The following PSAP variants were observed in gnomAD, a reference collection of about 807,000 sequenced individuals.
PSAP encodes the protein prosaposin, also known as precursor of saposins.
Under a neutral mutation model 66.0 loss-of-function variants are expected in PSAP, and 25 were observed. The observed-to-expected ratio is 0.38, with a 90% CI of 0.28 to 0.53. The LOEUF (loss-of-function observed/expected upper bound fraction) is 0.53. Among genes scored for constraint, PSAP ranks in the 20% least tolerant of loss-of-function variants. The probability of loss-of-function intolerance (pLI) is 0.83; values close to 1 mark genes in which losing one functional copy is unlikely to be tolerated. For missense variants in PSAP, 649 were observed against 668.8 expected (o/e 0.97, Z 0.33); for synonymous variants, 273 against 258.9 (o/e 1.05, Z -0.52).
At chr10:71,839,080 T>C (rs1054276652) in intron 1 of PSAP, among the ~76,000 whole-genome samples, 2 of 152,188 alleles carry the variant, frequency 1.3e-5, no homozygotes, top group Non-Finnish European at 2.9e-5. Context: ...AGCTTCCTTC[T>C]CTGAGGCAGT....
chr10:71,823,718 G>A (rs1842347600), intron 7 of PSAP, among the ~76,000 whole-genome samples: 1 of 152,138 alleles, frequency 6.6e-6, no homozygotes, highest in African/African-American at 2.4e-5. Flanking sequence ...CTGAATTACA[G>A]GGGAGAGATG....
In PSAP at chr10:71,833,042, A is replaced by AAAAAAAAAAAAG. The variant is rs1842552155; in HGVS notation, c.175-1123_175-1122insCTTTTTTTTTTT. ...AAAAAAAAAAAAAAACAAAAAACAA[A>AAAAAAAAAAAAG]AACAGAAGGCCGGGCCATGACAAGA... is the stretch of plus-strand genomic sequence containing the variant. On this transcript the variant is annotated intron_variant, in intron 2 of 13. Transcript: ENST00000394936. 1.4e-5 allele frequency among the ~76,000 whole-genome samples: 2 copies of AAAAAAAAAAAAG among 148,090 alleles called. 1 individual carries two copies. Among genetic ancestry groups the AAAAAAAAAAAAG allele is most frequent in the Non-Finnish European group, 3.0e-5 (2 of 66,962 alleles).
At chr10:71,822,691 A>G (rs1371950993) in intron 7 of PSAP, 9 of 471,146 alleles carry the variant, frequency 1.9e-5, no homozygotes, top group Non-Finnish European at 2.6e-5. Flanking sequence ...AGAGTGAGAC[A>G]AGTGTATAGA....
At chr10:71,832,085 G>A (rs1001989460) in intron 2 of PSAP, among the ~76,000 whole-genome samples, 165 bp from the exon 3 acceptor site, 7 of 152,164 alleles carry the variant, frequency 4.6e-5, no homozygotes, top group African/African-American at 1.2e-4. Context: ...CAGCGCTGGG[G>A]CACGGCAGGG....
At chr10:71,847,097 C>T (rs1564827991) in intron 1 of PSAP, among the ~76,000 whole-genome samples, 1 of 152,188 alleles carries the variant, frequency 6.6e-6, no homozygotes, top group Non-Finnish European at 1.5e-5. Flanking sequence ...TCTCCTTTCC[C>T]TCATCTACAA....
At chr10:71,824,196 A>G (rs1255147056) in intron 7 of PSAP, among the ~76,000 whole-genome samples, 1 of 152,172 alleles carries the variant, frequency 6.6e-6, no homozygotes, top group African/African-American at 2.4e-5. Flanking sequence ...AACACTGTGT[A>G]GCAAGAGCCC....
chr10:71,817,325 T>C lies in PSAP; in HGVS notation c.*116A>G, dbSNP rs894397649. ...ATAAAGGACACAGAAATGGGGGAGG[T>C]GGGGGAGCCCTATTTTTATAACAAA... On this transcript the variant is annotated 3_prime_UTR_variant, in exon 14 of 14. Coordinates refer to ENST00000394936, the MANE Select transcript of PSAP (RefSeq NM_002778.4). The C allele has an allele frequency of 8.8e-7, 1 of 1,140,014 alleles. No homozygotes were observed. 70.6% of individuals were successfully genotyped at this position (1,140,014 alleles called of 1,614,324 possible). A position where few individuals can be genotyped will look rare whatever the true frequency, so the allele number is the denominator to read the frequency against.
intron 7 of PSAP, 95 bp from the exon 8 acceptor site, chr10:71,822,102 C>G: frequency 6.3e-7 from 1 of 1,581,774 alleles, no homozygotes; most frequent in Non-Finnish European, 8.6e-7. Flanking sequence ...GGACAGCACC[C>G]TGGGCCCAGG....
chr10:71,836,888 T>C (rs188053054), intron 1 of PSAP, among the ~76,000 whole-genome samples: 2 of 152,324 alleles, frequency 1.3e-5, no homozygotes, highest in African/African-American at 4.8e-5. Context: ...TCGTTTTCCA[T>C]GATGACTTTG....
At chr10:71,848,222 G>A (rs1020291804) in intron 1 of PSAP, among the ~76,000 whole-genome samples, 7 of 152,236 alleles carry the variant, frequency 4.6e-5, no homozygotes, top group African/African-American at 1.2e-4. Context: ...AGGGGCCTCT[G>A]GATGCTACTG....
intron 2 of PSAP, among the ~76,000 whole-genome samples, chr10:71,833,325 G>T (rs1051835738): frequency 7.2e-5 from 11 of 152,080 alleles, no homozygotes; most frequent in Admixed American, 3.9e-4. Context: ...CAGGCATACT[G>T]GTCCACATCT....
chr10:71,824,325 A>T (rs1842359762), intron 7 of PSAP, among the ~76,000 whole-genome samples: 1 of 152,200 alleles, frequency 6.6e-6, no homozygotes, highest in South Asian at 2.1e-4. Context: ...GGGCTGCCCA[A>T]GTAAGGGGGG....
rs181436201 is a variant in PSAP at position 71,825,191 on chromosome 10, T to G, written c.777+646A>C. Among the ~76,000 whole-genome samples the G allele has an allele frequency of 2.7e-3, 405 of 152,270 alleles. 2 individuals are homozygous for G. Among genetic ancestry groups the G allele is most frequent in the African/African-American group, 9.3e-3 (386 of 41,546 alleles). ...ACGCTGGTATGTCAATCTCAAGTAG[T>G]CAGAAAGCATGACAGACAGGGAAAA... On this transcript the variant is annotated intron_variant, in intron 7 of 13. Coordinates refer to ENST00000394936, the MANE Select transcript of PSAP (RefSeq NM_002778.4).
In PSAP at chr10:71,847,221, G is replaced by A. The variant is rs148685349; in HGVS notation, c.40+3961C>T. On this transcript the variant is annotated intron_variant, in intron 1 of 13. Coordinates refer to ENST00000394936, the MANE Select transcript of PSAP (RefSeq NM_002778.4). ...TGTAATCCCAGCACTTTGGGAGGCC[G>A]AGGCAGGCGGATTACTTGAGGTCAG... Among the ~76,000 whole-genome samples, 78 of 152,216 alleles carry A rather than the reference G, an allele frequency of 5.1e-4. 2 individuals carry two copies. Among genetic ancestry groups the A allele is most frequent in the Middle Eastern group, 3.4e-3 (1 of 294 alleles).
chr10:71,819,040 G>A lies in PSAP; in HGVS notation c.1422C>T (p.Phe474=), dbSNP rs528318545. 117 of 1,614,002 alleles carry A rather than the reference G, an allele frequency of 7.2e-5. 1 individual carries two copies. Among genetic ancestry groups the A allele is most frequent in the South Asian group, 4.1e-4 (37 of 91,062 alleles). The change falls in exon 12 of 14, where the codon TTC becomes TTT. Residue 474 remains phenylalanine, a synonymous_variant. Coordinates refer to ENST00000394936, the MANE Select transcript of PSAP (RefSeq NM_002778.4). ...EILVEVMDPS[F]VCLKIGACPS... is the part of the protein sequence containing the mutation. ...ACCCAGTGAGGCTCACCAAGCACAC[G>A]AAGGAAGGATCCATCACCTCCACCA...
intron 4 of PSAP, among the ~76,000 whole-genome samples, chr10:71,830,428 A>C (rs79450314): frequency 0.024 from 3,627 of 152,288 alleles, 102 homozygotes; most frequent in Non-Finnish European, 0.028. Flanking sequence ...AGCTTCCCTC[A>C]ATGGGACCTA....
At chr10:71,823,921 C>T (rs565052350) in intron 7 of PSAP, 9 of 1,292,576 alleles carry the variant, frequency 7.0e-6, no homozygotes, top group South Asian at 4.9e-5. Flanking sequence ...AACAGGAAAT[C>T]GGAGGTGAAA....
At chr10:71,817,679 G>A (rs1842201333) in intron 13 of PSAP, among the ~76,000 whole-genome samples, 1 of 152,204 alleles carries the variant, frequency 6.6e-6, no homozygotes, top group Non-Finnish European at 1.5e-5. Context: ...AACTTCTAAG[G>A]CACGAGTCCA....
intron 4 of PSAP, among the ~76,000 whole-genome samples, chr10:71,829,568 C>T (rs903152415): frequency 1.3e-5 from 2 of 152,170 alleles, no homozygotes; most frequent in African/African-American, 2.4e-5. Context: ...CCCCCAGCCA[C>T]GTGGAACTGT....
Sources: gnomAD v4.1 joint callset for allele counts (sites outside exome capture counted in the v4.1 genomes callset) on GRCh38, gnomAD v4.1.1 for gene constraint, MANE v1.5 for transcripts, NCBI Gene and HGNC (gene_info 2026-07-23, HGNC 2026-07-21) for gene names.